CCDC3: variants seen among roughly 807,000 people sequenced by gnomAD.
The protein encoded by CCDC3 is coiled-coil domain containing 3.
Under a neutral mutation model 21.4 loss-of-function variants are expected in CCDC3, and 24 were observed. The ratio of observed to expected loss-of-function variants is 1.12; its 90% CI spans 0.81 to 1.58. CCDC3 has a LOEUF of 1.58. CCDC3 is among the 40% of genes most tolerant of loss of function. The pLI, the probability that CCDC3 is intolerant of heterozygous loss-of-function variation, is 0.00. For missense variants in CCDC3, 425 were observed against 360.9 expected (o/e 1.18, Z -1.44); for synonymous variants, 186 against 166.0 (o/e 1.12, Z -0.93).
chr10:12,959,149 T>C (rs566425414), intron 2 of CCDC3, among the ~76,000 whole-genome samples: 24 of 150,644 alleles, frequency 1.6e-4, no homozygotes, highest in African/African-American at 5.6e-4. Context: ...AACTCACCCA[T>C]CTTCATCATT....
At chr10:12,930,476 A>T (rs1038495796) in intron 2 of CCDC3, among the ~76,000 whole-genome samples, 15 of 152,202 alleles carry the variant, frequency 9.9e-5, no homozygotes, top group African/African-American at 3.4e-4. Context: ...TATTACTAAG[A>T]GGTTTACATG....
intron 2 of CCDC3, among the ~76,000 whole-genome samples, chr10:12,942,555 G>A (rs1323415553): frequency 1.3e-5 from 2 of 152,292 alleles, no homozygotes; most frequent in South Asian, 2.1e-4. Context: ...CAACATGGAC[G>A]CCCTATCTTC....
At chr10:12,917,180 C>CTTTTTTTTT (rs56054100) in intron 2 of CCDC3, among the ~76,000 whole-genome samples, 19 of 58,234 alleles carry the variant, frequency 3.3e-4, no homozygotes, top group African/African-American at 1.3e-3. Flanking sequence ...ATTTCTTCTT[C>CTTTTTTTTT]TTTTTTTTTT....
intron 2 of CCDC3, among the ~76,000 whole-genome samples, chr10:12,917,560 T>C (rs1834379734): frequency 1.3e-5 from 2 of 152,156 alleles, no homozygotes; most frequent in African/African-American, 2.4e-5. Context: ...TTCCCAGCTC[T>C]TGGGAAGGTG....
At chr10:12,935,820 T>C (rs35996241) in intron 2 of CCDC3, among the ~76,000 whole-genome samples, 1 of 152,198 alleles carries the variant, frequency 6.6e-6, no homozygotes, top group South Asian at 2.1e-4. Flanking sequence ...CGTGAGCCAG[T>C]GCGCCCGGCC....
chr10:13,071,694 C>T (rs1376120002), intron 4 of CCDC3, among the ~76,000 whole-genome samples: 2 of 152,188 alleles, frequency 1.3e-5, no homozygotes, highest in African/African-American at 4.8e-5. Context: ...AGGAACGCCT[C>T]ACTTTCCGTC....
Position 12,898,477 on chromosome 10 carries a change from G to A in CCDC3, c.752C>T (p.Ala251Val), listed in dbSNP as rs11545579. ...GGCATTGATGTGCGGCAGCGCGCCC[G>A]CCGCCAGCTTCTCACTGAGTTTCTG... ...ANQKLSEKLA[A>V]GALPHINARG... The change falls in exon 3 of 3, where the codon GCG (alanine) becomes GTG (valine). Residue 251 changes from alanine (A) to valine (V), a missense_variant. Physicochemically the swap from Ala to Val is moderately conservative, Grantham distance 64 (BLOSUM62 0). Coordinates refer to ENST00000378825, the MANE Select transcript of CCDC3 (RefSeq NM_031455.4). 2.4e-5 allele frequency: 38 copies of A among 1,613,026 alleles called. No homozygotes were observed. The highest frequency in any genetic ancestry group is 3.3e-4 in the Middle Eastern group (2 of 5,998).
intron 5 of CCDC3, among the ~76,000 whole-genome samples, chr10:13,034,240 G>A (rs1836346166): frequency 6.6e-6 from 1 of 151,188 alleles, no homozygotes; most frequent in African/African-American, 2.4e-5. Flanking sequence ...ACTATCGCAA[G>A]GGCAGAAAAC....
chr10:12,983,051 C>G (rs1280896176), intron 2 of CCDC3, among the ~76,000 whole-genome samples: 1 of 147,636 alleles, frequency 6.8e-6, no homozygotes, highest in African/African-American at 2.5e-5. Flanking sequence ...GGCGGAGGTT[C>G]CAGTGAGCCA....
At chr10:12,934,996 C>G (rs2131231431) in intron 2 of CCDC3, among the ~76,000 whole-genome samples, 1 of 151,990 alleles carries the variant, frequency 6.6e-6, no homozygotes, top group East Asian at 1.9e-4. Flanking sequence ...CATTACGTAA[C>G]AAACTCCTAG....
intron 4 of CCDC3, among the ~76,000 whole-genome samples, chr10:13,051,389 G>A (rs571360716): frequency 5.9e-5 from 9 of 152,238 alleles, no homozygotes; most frequent in Admixed American, 5.2e-4. Context: ...TGGGTCATTC[G>A]TGTGCAAATC....
At chr10:12,923,688 C>A (rs757982419) in intron 2 of CCDC3, among the ~76,000 whole-genome samples, 1 of 152,176 alleles carries the variant, frequency 6.6e-6, no homozygotes, top group African/African-American at 2.4e-5. Flanking sequence ...CCTCCATGCA[C>A]CAGAATGAGT....
At chr10:13,002,729 G>A (rs377088956), upstream of CCDC3, among the ~76,000 whole-genome samples, 5 of 152,162 alleles carry the variant, frequency 3.3e-5, no homozygotes, top group Non-Finnish European at 7.4e-5. Flanking sequence ...TCCCAGGGCT[G>A]CCATAATAAA....
At chr10:12,922,422 G>T (rs1040950478) in intron 2 of CCDC3, among the ~76,000 whole-genome samples, 13 of 152,054 alleles carry the variant, frequency 8.5e-5, no homozygotes, top group Admixed American at 8.5e-4. Context: ...GTTAGAATTG[G>T]CCCAGCACCT....
At chr10:13,023,778 T>C (rs893163499) in intron 5 of CCDC3, among the ~76,000 whole-genome samples, 1 of 152,154 alleles carries the variant, frequency 6.6e-6, no homozygotes, top group Non-Finnish European at 1.5e-5. Context: ...CAGAATCTCA[T>C]CATCCAAATC....
Position 12,898,390 on chromosome 10 carries a change from T to C in CCDC3, c.*26A>G. On this transcript the variant is annotated 3_prime_UTR_variant, in exon 3 of 3. Transcript: ENST00000378825. ...TCTCAATTACCGTCAGGATTGGCCC[T>C]GCACACCTGGCAGCCCCCAGGCCCG... is the stretch of plus-strand genomic sequence containing the variant. 4 of 1,568,662 alleles carry C rather than the reference T, an allele frequency of 2.5e-6. No homozygotes were observed. Among genetic ancestry groups the C allele is most frequent in the Non-Finnish European group, 3.5e-6 (4 of 1,157,022 alleles).
At position 13,089,537 on chromosome 10, in the gene CCDC3, C is replaced by T. The variant is rs577063023; in HGVS notation, c.-503+8988G>A. ...CCTGATACTTTTCCTCACTTGACTT[C>T]GGGGACATTGCTCTCTCCTAGTTTC... On this transcript the variant is annotated intron_variant, in intron 3 of 6. Coordinates refer to the CCDC3 transcript ENST00000378839. Among the ~76,000 whole-genome samples, 9 of 152,202 alleles carry T rather than the reference C, an allele frequency of 5.9e-5. No individual in the cohort carries two copies. The South Asian group carries it at 1.5e-3, about 25-fold the overall frequency.
intron 2 of CCDC3, among the ~76,000 whole-genome samples, chr10:12,939,003 TCTC>T (rs1400114820): frequency 2.6e-5 from 4 of 151,636 alleles, no homozygotes; most frequent in Admixed American, 6.6e-5. Context: ...CACTATCTTC[TCTC>T]CTCCTATCTC....
At chr10:13,057,912 T>G in intron 4 of CCDC3, 1 of 529,122 alleles carries the variant, frequency 1.9e-6, no homozygotes, top group Non-Finnish European at 3.5e-6. Context: ...TTCTTGGGCT[T>G]CTTTTCATAG....
Sources: allele counts gnomAD v4.1 joint callset (sites outside exome capture counted in the v4.1 genomes callset), GRCh38; gene constraint gnomAD v4.1.1; transcripts MANE v1.5; gene names NCBI Gene and HGNC (gene_info 2026-07-23, HGNC 2026-07-21).